Variants in NEGR1 observed in about 807,000 individuals in gnomAD.
The protein encoded by NEGR1 is neuronal growth regulator 1.
In NEGR1, 10 loss-of-function variants were observed where a neutral mutation model predicts 40.9. The ratio of observed to expected loss-of-function variants is 0.24; its 90% CI spans 0.15 to 0.42. The LOEUF (loss-of-function observed/expected upper bound fraction) is 0.42. Among genes scored for constraint, NEGR1 ranks in the 10% least tolerant of loss-of-function variants. The pLI, the probability that NEGR1 is intolerant of heterozygous loss-of-function variation, is 1.00. For missense variants in NEGR1, 352 were observed against 438.9 expected (o/e 0.80, Z 1.77); for synonymous variants, 185 against 166.8 (o/e 1.11, Z -0.84).
intron 6 of NEGR1, among the ~76,000 whole-genome samples, chr1:71,509,848 G>A (rs1314749347): frequency 6.6e-6 from 1 of 152,192 alleles, no homozygotes; most frequent in African/African-American, 2.4e-5. Flanking sequence ...TACTTGGGAT[G>A]CCCTCAAAGG....
chr1:71,552,075 AC>A (rs755409663), intron 6 of NEGR1, among the ~76,000 whole-genome samples: 2 of 151,488 alleles, frequency 1.3e-5, no homozygotes, highest in African/African-American at 4.8e-5. Context: ...CCCCTGCAGC[AC>A]CCAGCTATAG....
intron 3 of NEGR1, among the ~76,000 whole-genome samples, chr1:71,748,603 A>T (rs938766298): frequency 2.6e-5 from 4 of 152,142 alleles, no homozygotes; most frequent in Non-Finnish European, 4.4e-5. Context: ...TTGCATATTT[A>T]CTTATAATAT....
chr1:71,634,673 G>A (rs1258041904), intron 4 of NEGR1, among the ~76,000 whole-genome samples: 1 of 152,096 alleles, frequency 6.6e-6, no homozygotes, highest in Non-Finnish European at 1.5e-5. Context: ...TTGGAAACAC[G>A]AGGCCTGTCC....
At chr1:71,768,369 T>C (rs1339981819) in intron 3 of NEGR1, among the ~76,000 whole-genome samples, 1 of 152,076 alleles carries the variant, frequency 6.6e-6, no homozygotes, top group Non-Finnish European at 1.5e-5. Flanking sequence ...TCAAAGGAGA[T>C]TATTTTGAAG....
intron 1 of NEGR1, among the ~76,000 whole-genome samples, chr1:71,988,330 G>C (rs1045876696): frequency 1.3e-5 from 2 of 152,064 alleles, no homozygotes; most frequent in Admixed American, 6.5e-5. Context: ...ATGAGGTCAG[G>C]AGATCGAGAC....
intron 1 of NEGR1, among the ~76,000 whole-genome samples, chr1:72,163,521 C>CA (rs1651663504): frequency 6.6e-6 from 1 of 151,996 alleles, no homozygotes; most frequent in South Asian, 2.1e-4. Context: ...CAAATGGAGA[C>CA]ATGAGAATGT....
intron 6 of NEGR1, among the ~76,000 whole-genome samples, chr1:71,497,983 C>T (rs1201105009): frequency 2.0e-5 from 3 of 151,980 alleles, no homozygotes; most frequent in African/African-American, 7.2e-5. Context: ...TGAATTAAAA[C>T]TTAGGAGCTG....
chr1:71,617,162 T>C (rs1650472399), intron 4 of NEGR1, among the ~76,000 whole-genome samples: 1 of 152,224 alleles, frequency 6.6e-6, no homozygotes, highest in Admixed American at 6.5e-5. Context: ...ACTAACCACA[T>C]TGCTAAAGCT....
At chr1:71,636,717 C>T (rs1264573220) in intron 4 of NEGR1, among the ~76,000 whole-genome samples, 2 of 151,924 alleles carry the variant, frequency 1.3e-5, no homozygotes, top group Non-Finnish European at 2.9e-5. Flanking sequence ...ATATTGTTTG[C>T]CATTTTTTAA....
chr1:71,579,241 T>G (rs2101502623), intron 6 of NEGR1, among the ~76,000 whole-genome samples: 1 of 152,334 alleles, frequency 6.6e-6, no homozygotes, highest in African/African-American at 2.4e-5. Context: ...GGATTTCTAT[T>G]ATTCACTTAT....
intron 2 of NEGR1, among the ~76,000 whole-genome samples, chr1:71,888,143 A>AT (rs1007321349): frequency 2.0e-5 from 3 of 151,686 alleles, no homozygotes; most frequent in East Asian, 1.9e-4. Context: ...ACTCTATTTT[A>AT]TTTTTTTTCT....
At chr1:71,748,381 G>T (rs1251688266) in intron 3 of NEGR1, among the ~76,000 whole-genome samples, 3 of 152,106 alleles carry the variant, frequency 2.0e-5, no homozygotes, top group Non-Finnish European at 2.9e-5. Context: ...AAATAGGTCT[G>T]CATGAATTCA....
intron 1 of NEGR1, among the ~76,000 whole-genome samples, chr1:72,017,862 C>T (rs530624648): frequency 1.5e-4 from 23 of 152,032 alleles, no homozygotes; most frequent in Non-Finnish European, 3.4e-4. Context: ...GTTTAAGTGG[C>T]TATTCTTGAA....
chr1:71,608,206 ATGCT>A (rs1159611019), intron 5 of NEGR1, among the ~76,000 whole-genome samples: 1 of 152,192 alleles, frequency 6.6e-6, no homozygotes. Context: ...TGATAAATGT[ATGCT>A]TCACTCTGAA....
chr1:72,122,101 C>T (rs958331107), intron 1 of NEGR1, among the ~76,000 whole-genome samples: 4 of 151,872 alleles, frequency 2.6e-5, no homozygotes, highest in African/African-American at 7.2e-5. Flanking sequence ...ACTGCAAGAA[C>T]ATATTTTCTA....
At chr1:72,076,888 T>C (rs1647763557) in intron 1 of NEGR1, among the ~76,000 whole-genome samples, 1 of 127,198 alleles carries the variant, frequency 7.9e-6, no homozygotes, top group Admixed American at 8.4e-5. Context: ...TTCTCATTTA[T>C]CCTTTTTTTT....
At chr1:71,926,804 C>A (rs1478709313) in intron 2 of NEGR1, among the ~76,000 whole-genome samples, 3 of 152,108 alleles carry the variant, frequency 2.0e-5, no homozygotes, top group South Asian at 4.2e-4. Flanking sequence ...AAGTATTGTT[C>A]TAATATCAGA....
At chr1:71,854,643 C>T (rs1052305452) in intron 2 of NEGR1, among the ~76,000 whole-genome samples, 3 of 151,964 alleles carry the variant, frequency 2.0e-5, no homozygotes, top group African/African-American at 7.2e-5. Context: ...GTGGTGGGGG[C>T]GACCTCAGGA....
At chr1:72,189,916 T>C (rs1288631817) in intron 1 of NEGR1, among the ~76,000 whole-genome samples, 2 of 151,568 alleles carry the variant, frequency 1.3e-5, no homozygotes, top group African/African-American at 4.8e-5. Flanking sequence ...CCTTGATCAT[T>C]AGTGTCAAGT....
Sources: gnomAD v4.1 joint callset for allele counts (sites outside exome capture counted in the v4.1 genomes callset) on GRCh38, gnomAD v4.1.1 for gene constraint, MANE v1.5 for transcripts, NCBI Gene and HGNC (gene_info 2026-07-23, HGNC 2026-07-21) for gene names.